Variants in CA10 observed in about 807,000 individuals in gnomAD.
CA10 encodes the protein carbonic anhydrase-related protein 10.
CA10 carries 14 observed loss-of-function variants against 44.2 expected under a neutral mutation model. The ratio of observed to expected loss-of-function variants is 0.32; its 90% CI spans 0.21 to 0.50. The LOEUF (loss-of-function observed/expected upper bound fraction) is 0.50, where lower values mean the gene tolerates loss of function less well. Ranked by LOEUF, CA10 falls within the 20% of genes least tolerant of loss-of-function variation. The probability of loss-of-function intolerance (pLI) is 0.99; values close to 1 mark genes in which losing one functional copy is unlikely to be tolerated. For missense variants in CA10, 350 were observed against 409.7 expected (o/e 0.85, Z 1.26); for synonymous variants, 159 against 141.6 (o/e 1.12, Z -0.87).
intron 1 of CA10, among the ~76,000 whole-genome samples, chr17:52,131,970 T>C (rs903447473): frequency 4.0e-5 from 6 of 149,502 alleles, no homozygotes; most frequent in African/African-American, 9.9e-5. Flanking sequence ...TGAGAACACA[T>C]GGACACAGGA....
At chr17:51,712,604 A>G (rs1195112840) in intron 4 of CA10, among the ~76,000 whole-genome samples, 2 of 152,216 alleles carry the variant, frequency 1.3e-5, no homozygotes, top group African/African-American at 4.8e-5. Context: ...CCGGGGATTG[A>G]TATTGATCTA....
At position 51,867,391 on chromosome 17, in the gene CA10, C is replaced by G. The variant is rs1316180980; in HGVS notation, c.279+63599G>C. Among the ~76,000 whole-genome samples the G allele has an allele frequency of 2.6e-5, 4 of 152,144 alleles. 1 individual carries two copies. The East Asian group carries it at 7.7e-4, about 29-fold the overall frequency. ...GACTGTAGAGTGTAATGGTTAAGAG[C>G]ATGGGCTTTAGGGGAAGACAGATCT... On this transcript the variant is annotated intron_variant, in intron 3 of 8. Transcript: ENST00000451037.
intron 1 of CA10, among the ~76,000 whole-genome samples, chr17:52,157,465 T>C (rs1224878123): frequency 6.6e-6 from 1 of 151,416 alleles, no homozygotes; most frequent in Non-Finnish European, 1.5e-5. Context: ...CCCATCTGCC[T>C]CTTCTTTCTC....
chr17:51,867,157 GTAAC>G (rs2143853163), intron 3 of CA10, among the ~76,000 whole-genome samples: 1 of 152,258 alleles, frequency 6.6e-6, no homozygotes, highest in Non-Finnish European at 1.5e-5. Context: ...TAGAATATAG[GTAAC>G]TACACATTTA....
At chr17:51,980,909 C>T (rs1984631891) in intron 2 of CA10, among the ~76,000 whole-genome samples, 1 of 152,052 alleles carries the variant, frequency 6.6e-6, no homozygotes, top group African/African-American at 2.4e-5. Flanking sequence ...AACTAGACAA[C>T]ATGCACGTGA....
At chr17:52,017,146 G>A (rs1182398252) in intron 2 of CA10, among the ~76,000 whole-genome samples, 5 of 152,026 alleles carry the variant, frequency 3.3e-5, no homozygotes, top group Non-Finnish European at 7.4e-5. Flanking sequence ...TTCCTTTATA[G>A]CCATGCAAAG....
intron 3 of CA10, among the ~76,000 whole-genome samples, chr17:51,891,358 G>A (rs988442378): frequency 4.6e-5 from 7 of 152,204 alleles, no homozygotes; most frequent in African/African-American, 1.2e-4. Context: ...TCTAAGGAAC[G>A]AGAAATAGCA....
At chr17:51,926,887 T>G (rs888595282) in intron 3 of CA10, among the ~76,000 whole-genome samples, 1 of 152,200 alleles carries the variant, frequency 6.6e-6, no homozygotes, top group East Asian at 1.9e-4. Context: ...GAAGGGGACA[T>G]TATTCTGTCT....
chr17:51,754,575 C>G (rs973342173), intron 3 of CA10, among the ~76,000 whole-genome samples: 2 of 151,664 alleles, frequency 1.3e-5, no homozygotes, highest in Middle Eastern at 3.4e-3. Context: ...CTGCAGAATT[C>G]CTTTTCATTC....
chr17:51,638,852 T>G (rs952119868), intron 6 of CA10, among the ~76,000 whole-genome samples: 1 of 151,994 alleles, frequency 6.6e-6, no homozygotes, highest in Non-Finnish European at 1.5e-5. Context: ...TAGCTGGGAA[T>G]CGGGTAGGGT....
chr17:51,674,999 A>G (rs925153632), intron 4 of CA10, among the ~76,000 whole-genome samples: 1 of 152,206 alleles, frequency 6.6e-6, no homozygotes, highest in Non-Finnish European at 1.5e-5. Flanking sequence ...CGAAATTAAC[A>G]TGGCTCCCAT....
chr17:52,026,852 G>A (rs1030396500), intron 2 of CA10, among the ~76,000 whole-genome samples: 2 of 151,994 alleles, frequency 1.3e-5, no homozygotes, highest in Non-Finnish European at 2.9e-5. Context: ...CGGGGACACA[G>A]CCAAACCATA....
chr17:52,106,134 T>C (rs1988657059), intron 1 of CA10, among the ~76,000 whole-genome samples: 1 of 152,232 alleles, frequency 6.6e-6, no homozygotes, highest in Non-Finnish European at 1.5e-5. Flanking sequence ...CATCACGGGT[T>C]TAAGGAAAGT....
intron 4 of CA10, among the ~76,000 whole-genome samples, chr17:51,658,041 A>T (rs1283416948): frequency 6.6e-6 from 1 of 152,180 alleles, no homozygotes; most frequent in Non-Finnish European, 1.5e-5. Context: ...CCTCCTAGAG[A>T]AGCTTCCTGG....
chr17:51,864,610 T>C (rs1238459354), intron 3 of CA10, among the ~76,000 whole-genome samples: 3 of 152,180 alleles, frequency 2.0e-5, no homozygotes, highest in Non-Finnish European at 2.9e-5. Context: ...TTCAATGGGA[T>C]TTTACAGTTC....
intron 1 of CA10, among the ~76,000 whole-genome samples, chr17:52,092,889 T>C (rs768246425): frequency 1.3e-5 from 2 of 152,132 alleles, no homozygotes; most frequent in Non-Finnish European, 2.9e-5. Flanking sequence ...CTGTAAAAAA[T>C]AAAAGGTAAA....
chr17:52,038,670 G>C (rs1434104735), intron 2 of CA10, among the ~76,000 whole-genome samples: 3 of 152,118 alleles, frequency 2.0e-5, no homozygotes, highest in Admixed American at 6.5e-5. Context: ...ATTGTGATGA[G>C]AAGCAAGTAA....
chr17:51,875,892 G>A (rs1204954751), intron 3 of CA10, among the ~76,000 whole-genome samples: 1 of 152,050 alleles, frequency 6.6e-6, no homozygotes, highest in Non-Finnish European at 1.5e-5. Context: ...TTTCCAGAAT[G>A]TTCTATAAAT....
chr17:52,072,111 T>C (rs982902656), intron 2 of CA10, among the ~76,000 whole-genome samples: 2 of 152,162 alleles, frequency 1.3e-5, no homozygotes, highest in Non-Finnish European at 2.9e-5. Flanking sequence ...GGGCATCCTA[T>C]AGATTGAAGG....
Sources: gnomAD v4.1 joint callset for allele counts (sites outside exome capture counted in the v4.1 genomes callset) on GRCh38, gnomAD v4.1.1 for gene constraint, MANE v1.5 for transcripts, NCBI Gene and HGNC (gene_info 2026-07-23, HGNC 2026-07-21) for gene names.